MCM8: variants seen among roughly 807,000 people sequenced by gnomAD.
MCM8 encodes the protein DNA helicase MCM8.
Under a neutral mutation model 98.9 loss-of-function variants are expected in MCM8, and 85 were observed. The observed-to-expected ratio is 0.86, with a 90% CI of 0.72 to 1.03. The LOEUF (loss-of-function observed/expected upper bound fraction) is 1.03, where lower values mean the gene tolerates loss of function less well. Ranked by LOEUF, MCM8 falls within the 50% of genes least tolerant of loss-of-function variation. The pLI is 0.00. For synonymous variants in MCM8, 352 were observed against 338.6 expected (o/e 1.04, Z -0.44); for missense variants, 951 against 997.8 (o/e 0.95, Z 0.63).
chr20:5,977,923 C>G lies in MCM8; in HGVS notation c.1443C>G (p.Thr481=). ...APRGVYVCGN[T]TTTSGLTVTL... Reference sequence around the variant, plus strand: ...GTGGCGTGTATGTTTGTGGTAACACCACGACCACCTCTGGTCTGACGGTAA... The same window carrying G: ...GTGGCGTGTATGTTTGTGGTAACACGACGACCACCTCTGGTCTGACGGTAA... The change falls in exon 13 of 19, where the codon ACC becomes ACG. Residue 481 remains threonine, a synonymous_variant. Coordinates refer to ENST00000610722, the MANE Select transcript of MCM8 (RefSeq NM_032485.6). The G allele has an allele frequency of 6.2e-7, 1 of 1,614,148 alleles. No homozygotes were observed.
At chr20:5,968,888 G>A (rs4815879) in intron 10 of MCM8, among the ~76,000 whole-genome samples, 10,354 of 152,264 alleles carry the variant, frequency 0.068, 410 homozygotes, top group Non-Finnish European at 0.096. Context: ...TATTCAAAAA[G>A]TATTTGATAA....
Position 5,959,729 on chromosome 20 carries a change from C to T in MCM8, c.789+1003C>T, listed in dbSNP as rs182905773. 7.7e-3 allele frequency among the ~76,000 whole-genome samples: 987 copies of T among 128,100 alleles called. 5 individuals are homozygous for T. Among genetic ancestry groups the T allele is most frequent in the South Asian group, 0.018 (72 of 4,080 alleles). The allele number at this position is 128,100 out of a possible 152,430, so 84.0% of individuals were successfully genotyped here. ...TTTTTTTTTTTTTGAGACGGAGTCT[C>T]GCTCTGTTGCCCGGGCTGGAGTGCA... is the stretch of plus-strand genomic sequence containing the variant. On this transcript the variant is annotated intron_variant, in intron 7 of 18. Transcript: ENST00000610722.
chr20:5,954,603 A>T lies in MCM8; in HGVS notation c.254-5A>T. On this transcript the variant is annotated splice_polypyrimidine_tract_variant and splice_region_variant and intron_variant, in intron 3 of 18. Transcript: ENST00000610722. ...TTTGTGCTAATGCCATATTTGTTGG[A>T]TTAGTTTACAGCGATAGCTCTCCTT... 6.3e-7 allele frequency: 1 copy of T among 1,582,748 alleles called. No homozygotes were observed. The highest frequency in any genetic ancestry group is 8.7e-7 in the Non-Finnish European group (1 of 1,152,756).
Position 5,955,172 on chromosome 20 carries a change from A to G in MCM8, c.407A>G (p.Asn136Ser). ...CTGACAGAAGGTGGTGAAGTAACTA[A>G]CTTGATACCAGATATAGCAACTGAA... ...KELTEGGEVT[N>S]LIPDIATELR... The change falls in exon 5 of 19, where the codon AAC (asparagine) becomes AGC (serine). Residue 136 changes from asparagine (N) to serine (S), a missense_variant. Transcript: ENST00000610722. The G allele has an allele frequency of 6.2e-7, 1 of 1,613,904 alleles. No homozygotes were observed. Among genetic ancestry groups the G allele is most frequent in the Non-Finnish European group, 8.5e-7 (1 of 1,179,828 alleles).
Position 5,986,057 on chromosome 20 carries a change from C to T in MCM8, c.2089C>T (p.Arg697Trp), listed in dbSNP as rs1315502339. ...RVLQDFYLEL[R>W]KQSQRLNSSP... The stretch of plus-strand genomic sequence containing the variant: ...TCTTCAAGATTTTTACCTTGAGCTC[C>T]GGAAACAGAGCCAGAGGTTAAATAG... Residue 697 changes from arginine (R) to tryptophan (W), a missense_variant, in exon 16 of 19, where the codon CGG becomes TGG. Transcript: ENST00000610722. 6.2e-6 allele frequency: 10 copies of T among 1,614,132 alleles called. No homozygotes were observed. Among genetic ancestry groups the T allele is most frequent in the African/African-American group, 1.3e-5 (1 of 75,032 alleles).
At chr20:5,960,243 TTATA>T (rs1188526854) in intron 7 of MCM8, among the ~76,000 whole-genome samples, 1 of 152,318 alleles carries the variant, frequency 6.6e-6, no homozygotes, top group South Asian at 2.1e-4. Flanking sequence ...AATTTTCTAT[TTATA>T]TCTAATGTTC....
At position 5,996,382 on chromosome 20, in the gene MCM8, GGT is replaced by G. The variant is rs1491118577; in HGVS notation, c.*1997_*1998del. 6.6e-6 allele frequency: 1 copy of G among 151,840 alleles called. No homozygotes were observed. Among genetic ancestry groups the G allele is most frequent in the South Asian group, 2.1e-4 (1 of 4,808 alleles). The allele number at this position is 151,840 out of a possible 1,614,324, so 9.4% of individuals were successfully genotyped here. ...TTAAAGCAAATAACTCAGGCATGGT[GGT>G]GTGTGCCTGTAGTCCCAGCCACTAA... On this transcript the variant is annotated 3_prime_UTR_variant, in exon 19 of 19. Coordinates refer to ENST00000610722, the MANE Select transcript of MCM8 (RefSeq NM_032485.6).
chr20:5,964,397 T>C (rs1474551353), intron 8 of MCM8: 2 of 152,194 alleles, frequency 1.3e-5, no homozygotes, highest in African/African-American at 2.4e-5. Context: ...AATTGTACTA[T>C]AGTGAGATCT....
intron 10 of MCM8, 54 bp from the exon 11 acceptor site, chr20:5,971,953 T>C: frequency 6.6e-7 from 1 of 1,513,800 alleles, no homozygotes; most frequent in Non-Finnish European, 9.1e-7. Context: ...GGAGATCTCC[T>C]AATGGATCAA....
intron 7 of MCM8, among the ~76,000 whole-genome samples, chr20:5,961,887 G>A (rs1027030095): frequency 3.3e-5 from 5 of 152,096 alleles, no homozygotes; most frequent in African/African-American, 1.2e-4. Context: ...GGCTGTTTCA[G>A]TTGATCTCTA....
Position 5,997,185 on chromosome 20 carries a change from C to CTT in MCM8, c.*2809_*2810dup, listed in dbSNP as rs71334371. On this transcript the variant is annotated 3_prime_UTR_variant, in exon 19 of 19. Coordinates refer to ENST00000610722, the MANE Select transcript of MCM8 (RefSeq NM_032485.6). Reference sequence around the variant, plus strand: ...GAAAGTTTCTTTTTTTTTCTTTTTTCTTTTTTTTTTTTTTTTGAGACAGAG... The same window carrying CTT: ...GAAAGTTTCTTTTTTTTTCTTTTTTCTTTTTTTTTTTTTTTTTTGAGACAGAG... 6.6e-4 allele frequency: 89 copies of CTT among 134,882 alleles called. No individual in the cohort carries two copies. Among genetic ancestry groups the CTT allele is most frequent in the African/African-American group, 1.3e-3 (44 of 35,084 alleles). The allele number at this position is 134,882 out of a possible 1,614,324, so 8.4% of individuals were successfully genotyped here.
At chr20:5,991,331 G>C (rs996400508) in intron 17 of MCM8, 1 of 152,092 alleles carries the variant, frequency 6.6e-6, no homozygotes, top group Non-Finnish European at 1.5e-5. Context: ...TACTCATGTT[G>C]GACAGTGTTT....
chr20:5,963,275 G>T lies in MCM8; in HGVS notation c.791G>T (p.Cys264Phe). Residue 264 changes from cysteine to phenylalanine, a missense_variant and splice_region_variant, in exon 8 of 19, where the codon TGT becomes TTT. Coordinates refer to ENST00000610722, the MANE Select transcript of MCM8 (RefSeq NM_032485.6). ...PDGKYSLPTK[C>F]PVPVCRGRSF... The stretch of plus-strand genomic sequence containing the variant: ...GTGAATTACTTTTGTTTCATTCAGT[G>T]TCCTGTGCCTGTGTGTCGAGGCAGG... The T allele has an allele frequency of 6.2e-7, 1 of 1,612,266 alleles. No homozygotes were observed. Among genetic ancestry groups the T allele is most frequent in the Non-Finnish European group, 8.5e-7 (1 of 1,178,450 alleles).
chr20:5,978,844 G>A (rs963724744), intron 13 of MCM8, among the ~76,000 whole-genome samples: 9 of 152,144 alleles, frequency 5.9e-5, no homozygotes, highest in Admixed American at 2.0e-4. Flanking sequence ...GGCTACAGGC[G>A]TGAGCCACCA....
At position 5,958,717 on chromosome 20, in the gene MCM8, TC is replaced by T; in HGVS notation, c.783del (p.Thr262GlnfsTer35). 6.2e-7 allele frequency: 1 copy of T among 1,614,134 alleles called. No individual in the cohort carries two copies. Among genetic ancestry groups the T allele is most frequent in the Non-Finnish European group, 8.5e-7 (1 of 1,179,988 alleles). ...FPLPDGKYSL[P>X]TKCPVPVCRG... is the part of the protein sequence containing the mutation. ...CTCTTCCAGATGGAAAATACAGTCT[TC>T]CCACAAAGGTAATACGTTCTTTAAC... On this transcript the variant is annotated frameshift_variant, in exon 7 of 19. Coordinates refer to ENST00000610722, the MANE Select transcript of MCM8 (RefSeq NM_032485.6). LOFTEE classifies it high-confidence loss of function.
rs1600273353 is a variant in MCM8 at position 5,971,947 on chromosome 20, A to G, written c.1224-60A>G. The G allele has an allele frequency of 4.9e-6, 7 of 1,441,930 alleles. No homozygotes were observed. The East Asian group carries it at 6.9e-5, about 14-fold the overall frequency. 89.3% of individuals were successfully genotyped at this position (1,441,930 alleles called of 1,614,324 possible). On this transcript the variant is annotated intron_variant, in intron 10 of 18. Coordinates refer to ENST00000610722, the MANE Select transcript of MCM8 (RefSeq NM_032485.6). Reference sequence around the variant, plus strand: ...GCAGGTTAAACAAATTGTAGAGGAGATCTCCTAATGGATCAATGAAGTATA... The same window carrying G: ...GCAGGTTAAACAAATTGTAGAGGAGGTCTCCTAATGGATCAATGAAGTATA...
At chr20:5,968,962 G>A (rs533144441) in intron 10 of MCM8, among the ~76,000 whole-genome samples, 124 of 152,324 alleles carry the variant, frequency 8.1e-4, no homozygotes, top group Non-Finnish European at 1.4e-3. Flanking sequence ...TTTTGCTTTA[G>A]TGGTTAAGAG....
Position 5,973,148 on chromosome 20 carries a change from C to A in MCM8, c.1347C>A (p.His449Gln). The A allele has an allele frequency of 3.7e-6, 6 of 1,614,226 alleles. No homozygotes were observed. Among genetic ancestry groups the A allele is most frequent in the Non-Finnish European group, 5.1e-6 (6 of 1,180,030 alleles). The change falls in exon 12 of 19, where the codon CAC becomes CAA. Residue 449 changes from histidine (H) to glutamine (Q), a missense_variant. Transcript: ENST00000610722. Reference sequence around the variant, plus strand: ...GAATTCCAATTCGGGGAGACCCCCACATCCTTGTTGTTGGAGATCCAGGCC... The same window carrying A: ...GAATTCCAATTCGGGGAGACCCCCAAATCCTTGTTGTTGGAGATCCAGGCC... Reference protein sequence around the residue: ...KNRIPIRGDPHILVVGDPGLG... With the variant: ...KNRIPIRGDPQILVVGDPGLG...
Position 5,967,852 on chromosome 20 carries a change from G to A in MCM8, c.1050G>A (p.Lys350=), listed in dbSNP as rs1451423380. The change falls in exon 10 of 19, where the codon AAG becomes AAA. Residue 350 remains lysine (K), a synonymous_variant. Transcript: ENST00000610722. ...CAGGTTCTCGAAATAAGAATGACAAGTGTATGTTCCTTTTGTATATTGAAG... is the reference window on the plus strand; with the variant it reads ...CAGGTTCTCGAAATAAGAATGACAAATGTATGTTCCTTTTGTATATTGAAG... ...AEEGSRNKND[K]CMFLLYIEAN... The A allele has an allele frequency of 2.5e-6, 4 of 1,610,392 alleles. No homozygotes were observed. Among genetic ancestry groups the A allele is most frequent in the South Asian group, 1.1e-5 (1 of 90,288 alleles).
Sources: gnomAD v4.1 joint callset for allele counts (sites outside exome capture counted in the v4.1 genomes callset) on GRCh38, gnomAD v4.1.1 for gene constraint, MANE v1.5 for transcripts, NCBI Gene and HGNC (gene_info 2026-07-23, HGNC 2026-07-21) for gene names.